Variants in LARGE1 observed in about 807,000 individuals in gnomAD.
LARGE1 encodes LARGE xylosyl- and glucuronyltransferase 1, also known as xylosyl- and glucuronyltransferase LARGE1.
Under a neutral mutation model 87.6 loss-of-function variants are expected in LARGE1, and 43 were observed. The ratio of observed to expected loss-of-function variants is 0.49; its 90% CI spans 0.38 to 0.63. LARGE1 has a LOEUF of 0.63. LARGE1 is among the 30% of genes least tolerant of loss of function. LARGE1 has a pLI of 0.00. For missense variants in LARGE1, 802 were observed against 1,000.2 expected (o/e 0.80, Z 2.67); for synonymous variants, 434 against 394.6 (o/e 1.10, Z -1.18).
At chr22:33,659,196 T>C (rs1487382515) in intron 2 of LARGE1, among the ~76,000 whole-genome samples, 3 of 152,320 alleles carry the variant, frequency 2.0e-5, no homozygotes, top group East Asian at 1.9e-4. Context: ...CTTATTCCAA[T>C]ATATGTTTCA....
chr22:33,638,650 C>G (rs918920619), intron 3 of LARGE1, among the ~76,000 whole-genome samples: 1 of 152,228 alleles, frequency 6.6e-6, no homozygotes, highest in African/African-American at 2.4e-5. Context: ...CAAGCTCTAC[C>G]TCTTTCTGGC....
At chr22:33,837,345 A>G (rs1489800931) in intron 1 of LARGE1, among the ~76,000 whole-genome samples, 1 of 151,658 alleles carries the variant, frequency 6.6e-6, no homozygotes, top group Non-Finnish European at 1.5e-5. Context: ...ACACATATAT[A>G]GTATACATAT....
At chr22:33,804,633 T>C (rs866611978) in intron 1 of LARGE1, among the ~76,000 whole-genome samples, 9 of 152,214 alleles carry the variant, frequency 5.9e-5, no homozygotes, top group South Asian at 2.1e-4. Context: ...TTTGGGTACC[T>C]TGAACAACCT....
intron 2 of LARGE1, among the ~76,000 whole-genome samples, chr22:33,706,641 G>A (rs576818745): frequency 2.6e-5 from 4 of 152,182 alleles, no homozygotes; most frequent in South Asian, 2.1e-4. Flanking sequence ...CAACTAAATC[G>A]CTTTAAAGAA....
intron 11 of LARGE1, among the ~76,000 whole-genome samples, chr22:33,308,272 G>A (rs549725829): frequency 6.6e-6 from 1 of 152,294 alleles, no homozygotes; most frequent in East Asian, 1.9e-4. Context: ...TGTCTGCTGG[G>A]ATGGGGAACT....
At chr22:33,598,852 ATAG>A (rs1350973323) in intron 5 of LARGE1, among the ~76,000 whole-genome samples, 1 of 152,200 alleles carries the variant, frequency 6.6e-6, no homozygotes, top group Non-Finnish European at 1.5e-5. Flanking sequence ...ATGTGTCTTT[ATAG>A]TAGAATGATT....
chr22:33,829,276 T>C (rs1289536587), intron 1 of LARGE1, among the ~76,000 whole-genome samples: 2 of 152,106 alleles, frequency 1.3e-5, no homozygotes, highest in Non-Finnish European at 2.9e-5. Flanking sequence ...CCCAAAGGGC[T>C]GGGATTACAG....
chr22:33,608,432 A>T (rs1032851133), intron 4 of LARGE1, among the ~76,000 whole-genome samples: 1 of 152,096 alleles, frequency 6.6e-6, no homozygotes, highest in African/African-American at 2.4e-5. Flanking sequence ...TTCTTTGAGC[A>T]CTTCCTCGTG....
chr22:33,246,947 T>C (rs1926788552), intron 11 of LARGE1, among the ~76,000 whole-genome samples: 1 of 152,194 alleles, frequency 6.6e-6, no homozygotes, highest in African/African-American at 2.4e-5. Context: ...TAGCATTTTA[T>C]TCACAGAGAA....
chr22:33,568,565 G>C (rs189366777), intron 5 of LARGE1, among the ~76,000 whole-genome samples: 42 of 152,142 alleles, frequency 2.8e-4, no homozygotes, highest in African/African-American at 3.4e-4. Flanking sequence ...TTGGGAGTTC[G>C]AGACCAGCCT....
intron 12 of LARGE1, 75 bp from the exon 13 acceptor site, chr22:33,283,423 G>T (rs1374040293): frequency 3.5e-5 from 54 of 1,533,074 alleles, no homozygotes; most frequent in Non-Finnish European, 4.8e-5. Flanking sequence ...TGAGGGCGGG[G>T]TGGTCATTGG....
chr22:33,670,935 G>A (rs1471350682), intron 2 of LARGE1, among the ~76,000 whole-genome samples: 4 of 152,042 alleles, frequency 2.6e-5, no homozygotes, highest in Non-Finnish European at 5.9e-5. Flanking sequence ...TTTTACCTAC[G>A]GGTGCTGTGA....
chr22:33,602,027 A>G (rs1434057169), intron 5 of LARGE1, among the ~76,000 whole-genome samples: 1 of 151,970 alleles, frequency 6.6e-6, no homozygotes, highest in Non-Finnish European at 1.5e-5. Context: ...TTAGCTGTTG[A>G]TGGACTTCAC....
chr22:33,858,108 G>A (rs897076773), intron 1 of LARGE1, among the ~76,000 whole-genome samples: 15 of 152,312 alleles, frequency 9.8e-5, no homozygotes, highest in East Asian at 3.9e-4. Context: ...GAAGAGAACC[G>A]TGGAACCCCG....
intron 1 of LARGE1, among the ~76,000 whole-genome samples, chr22:33,863,162 T>C (rs1041197498): frequency 1.3e-5 from 2 of 152,110 alleles, no homozygotes; most frequent in African/African-American, 2.4e-5. Context: ...AGTCTCAGCT[T>C]TGCCACTCAG....
chr22:33,278,752 G>A (rs747969048), intron 13 of LARGE1, among the ~76,000 whole-genome samples: 10 of 151,840 alleles, frequency 6.6e-5, no homozygotes, highest in Admixed American at 1.3e-4. Flanking sequence ...ATGGAGTCTC[G>A]CTCTGTCTCC....
At chr22:33,815,588 A>G (rs1330416479) in intron 1 of LARGE1, among the ~76,000 whole-genome samples, 1 of 152,180 alleles carries the variant, frequency 6.6e-6, no homozygotes, top group Non-Finnish European at 1.5e-5. Flanking sequence ...GCCAAGAACC[A>G]TTCTTAGTAA....
chr22:33,091,292 G>T, the LARGE1 span, among the ~76,000 whole-genome samples: 642 of 152,292 alleles, frequency 4.2e-3, 3 homozygotes, highest in African/African-American at 0.014. Context: ...CCAGGGCAGT[G>T]GTTCACATCT....
chr22:33,537,755 TAG>T (rs1447571392), intron 6 of LARGE1, among the ~76,000 whole-genome samples: 2 of 152,030 alleles, frequency 1.3e-5, no homozygotes, highest in African/African-American at 4.8e-5. Context: ...GATTTTTTAG[TAG>T]AGACAGGGTT....
Sources: allele counts gnomAD v4.1 joint callset (sites outside exome capture counted in the v4.1 genomes callset), GRCh38; gene constraint gnomAD v4.1.1; transcripts MANE v1.5; gene names NCBI Gene and HGNC (gene_info 2026-07-23, HGNC 2026-07-21).